The following ZNF423 variants were observed in gnomAD, a reference collection of about 807,000 sequenced individuals.
ZNF423 encodes the protein Ebf-associated zinc finger protein.
Under a neutral mutation model 95.8 loss-of-function variants are expected in ZNF423, and 12 were observed. The ratio of observed to expected loss-of-function variants is 0.13; its 90% CI spans 0.08 to 0.20. ZNF423 has a LOEUF of 0.20. ZNF423 is among the 10% of genes least tolerant of loss of function. The probability of loss-of-function intolerance (pLI) is 1.00; values close to 1 mark genes in which losing one functional copy is unlikely to be tolerated. For synonymous variants in ZNF423, 749 were observed against 711.9 expected (o/e 1.05, Z -0.83); for missense variants, 1,316 against 1,737.1 (o/e 0.76, Z 4.31).
chr16:49,841,974 C>T lies in ZNF423; in HGVS notation c.40+13761G>A, dbSNP rs549417279. Among the ~76,000 whole-genome samples the T allele has an allele frequency of 7.2e-5, 11 of 152,126 alleles. No individual in the cohort carries two copies. In the South Asian group the frequency reaches 1.2e-3, roughly 17 times the overall value. On this transcript the variant is annotated intron_variant, in intron 1 of 7. Coordinates refer to ENST00000563137, the MANE Select transcript of ZNF423 (RefSeq NM_001379286.1). ...AAAAATGGCCAGGTGCTGTGGCTCACGCCTGCAATCCCAGCACTTTGGGAG... is the reference window on the plus strand; with the variant it reads ...AAAAATGGCCAGGTGCTGTGGCTCATGCCTGCAATCCCAGCACTTTGGGAG...
At chr16:49,815,914 A>ATATAT (rs1445194160) in intron 1 of ZNF423, among the ~76,000 whole-genome samples, 25 of 29,798 alleles carry the variant, frequency 8.4e-4, no homozygotes, top group South Asian at 2.2e-3. Flanking sequence ...ATATATATAT[A>ATATAT]TTTTTTTTTT....
chr16:49,771,192 C>CTTTTTT (rs71380376), intron 2 of ZNF423, among the ~76,000 whole-genome samples: 9 of 89,436 alleles, frequency 1.0e-4, no homozygotes, highest in Non-Finnish European at 1.6e-4. Context: ...TTTTTTTTTT[C>CTTTTTT]TTTTTTTTTT....
At chr16:49,810,928 C>T (rs1356886128) in intron 1 of ZNF423, among the ~76,000 whole-genome samples, 1 of 152,120 alleles carries the variant, frequency 6.6e-6, no homozygotes, top group Non-Finnish European at 1.5e-5. Context: ...TTCACGGGCC[C>T]ACGAGGATGT....
chr16:49,534,191 T>C (rs1329258944), intron 5 of ZNF423, among the ~76,000 whole-genome samples: 3 of 152,032 alleles, frequency 2.0e-5, no homozygotes, highest in African/African-American at 7.2e-5. Flanking sequence ...AGAATACTGA[T>C]CATAATGCTA....
At chr16:49,826,169 A>T (rs1205481213) in intron 1 of ZNF423, among the ~76,000 whole-genome samples, 1 of 152,160 alleles carries the variant, frequency 6.6e-6, no homozygotes, top group African/African-American at 2.4e-5. Context: ...CGGAGATTGT[A>T]CCACTGCACT....
intron 5 of ZNF423, among the ~76,000 whole-genome samples, chr16:49,533,289 G>A (rs1022134165): frequency 5.3e-5 from 8 of 152,130 alleles, no homozygotes; most frequent in African/African-American, 1.7e-4. Context: ...TTCGGGGAAC[G>A]AAGGCTAAGA....
At position 49,491,179 on chromosome 16, in the gene ZNF423, G is replaced by T; in HGVS notation, c.*96C>A. ...ATCATTAGAGTTTTACATCTGGGTT[G>T]CAAATGACACTTTGATTGGATGTAA... is the stretch of plus-strand genomic sequence containing the variant. On this transcript the variant is annotated 3_prime_UTR_variant, in exon 8 of 8. Transcript: ENST00000563137. 1 of 1,460,692 alleles carries T rather than the reference G, an allele frequency of 6.8e-7. No individual in the cohort carries two copies. Among genetic ancestry groups the T allele is most frequent in the Non-Finnish European group, 9.6e-7 (1 of 1,041,846 alleles). The allele number at this position is 1,460,692 out of a possible 1,614,324, so 90.5% of individuals were successfully genotyped here.
chr16:49,748,771 A>G (rs1004286427), intron 2 of ZNF423, among the ~76,000 whole-genome samples: 16 of 152,126 alleles, frequency 1.1e-4, no homozygotes, highest in African/African-American at 3.9e-4. Context: ...CCCCTGCCCT[A>G]TGACAGAGGT....
chr16:49,591,759 A>G (rs1385709278), intron 5 of ZNF423, among the ~76,000 whole-genome samples: 1 of 152,276 alleles, frequency 6.6e-6, no homozygotes, highest in Admixed American at 6.5e-5. Flanking sequence ...AGTGTGCAAA[A>G]ACAGTACAGA....
intron 3 of ZNF423, among the ~76,000 whole-genome samples, chr16:49,681,068 A>G (rs112462957): frequency 0.03 from 4,524 of 152,288 alleles, 218 homozygotes; most frequent in African/African-American, 0.1. Context: ...GGAGCAGCAG[A>G]CCTTTCCAAG....
chr16:49,535,319 T>C (rs917362068), intron 5 of ZNF423, among the ~76,000 whole-genome samples: 1 of 152,210 alleles, frequency 6.6e-6, no homozygotes, highest in Non-Finnish European at 1.5e-5. Context: ...AGGGTCCTGC[T>C]TGCTAACTTC....
intron 7 of ZNF423, among the ~76,000 whole-genome samples, chr16:49,520,391 G>A (rs1279150655): frequency 6.9e-6 from 1 of 144,416 alleles, no homozygotes; most frequent in African/African-American, 2.6e-5. Context: ...TGGCAACTGT[G>A]CTCCTGTTAA....
intron 5 of ZNF423, among the ~76,000 whole-genome samples, chr16:49,578,804 AC>A (rs1970578295): frequency 2.6e-5 from 4 of 152,168 alleles, no homozygotes; most frequent in Admixed American, 2.6e-4. Context: ...AGACCCAAGG[AC>A]CTTTTGTTCC....
chr16:49,719,232 TGCC>T (rs1442988666), intron 3 of ZNF423, among the ~76,000 whole-genome samples: 1 of 152,072 alleles, frequency 6.6e-6, no homozygotes, highest in Non-Finnish European at 1.5e-5. Flanking sequence ...GGGCAGGAAG[TGCC>T]GGCCTAATGA....
chr16:49,531,281 C>G (rs528498543), intron 5 of ZNF423, among the ~76,000 whole-genome samples: 3 of 151,408 alleles, frequency 2.0e-5, no homozygotes, highest in Non-Finnish European at 4.4e-5. Context: ...CTGCGGCCTG[C>G]GCATCTAGTA....
At chr16:49,696,449 C>T (rs191097023) in intron 3 of ZNF423, among the ~76,000 whole-genome samples, 7 of 152,308 alleles carry the variant, frequency 4.6e-5, no homozygotes, top group African/African-American at 1.7e-4. Context: ...CCAGGGGCTC[C>T]CCATGGTGCC....
chr16:49,505,791 T>C (rs891299434), intron 7 of ZNF423, among the ~76,000 whole-genome samples: 2 of 152,198 alleles, frequency 1.3e-5, no homozygotes, highest in Non-Finnish European at 2.9e-5. Context: ...CTTTGGAAGC[T>C]GGTCCCACTG....
chr16:49,544,637 G>A (rs1446283624), intron 5 of ZNF423, among the ~76,000 whole-genome samples: 1 of 152,250 alleles, frequency 6.6e-6, no homozygotes, highest in Non-Finnish European at 1.5e-5. Flanking sequence ...GGTGGCCTTG[G>A]ATGAACAGGC....
intron 4 of ZNF423, 37 bp from the exon 5 acceptor site, chr16:49,626,291 A>G: frequency 1.2e-6 from 2 of 1,605,604 alleles, no homozygotes; most frequent in Non-Finnish European, 8.5e-7. Context: ...TTAGAGAGGC[A>G]GGAGGTAGGA....
Sources: allele counts gnomAD v4.1 joint callset (sites outside exome capture counted in the v4.1 genomes callset), GRCh38; gene constraint gnomAD v4.1.1; transcripts MANE v1.5; gene names NCBI Gene and HGNC (gene_info 2026-07-23, HGNC 2026-07-21).